The following STX3 variants were observed in gnomAD, a reference collection of about 807,000 sequenced individuals.
STX3 encodes the protein syntaxin 3.
A neutral mutation model predicts 40.2 loss-of-function variants in STX3; 19 were observed. That is an observed-to-expected ratio of 0.47 (90% confidence interval 0.33 to 0.69). The LOEUF (loss-of-function observed/expected upper bound fraction) is 0.69. Among genes scored for constraint, STX3 ranks in the 30% least tolerant of loss-of-function variants. The pLI is 0.02. For missense variants in STX3, 364 were observed against 366.7 expected (o/e 0.99, Z 0.06); for synonymous variants, 122 against 132.2 (o/e 0.92, Z 0.53).
In STX3 at chr11:59,795,436, G is replaced by A. The variant is rs777474139; in HGVS notation, c.740G>A (p.Arg247Gln). 10 of 1,613,456 alleles carry A rather than the reference G, an allele frequency of 6.2e-6. No homozygotes were observed. The highest frequency in any genetic ancestry group is 5.5e-5 in the South Asian group (5 of 90,810). Residue 247 changes from arginine (R) to glutamine (Q), a missense_variant, in exon 9 of 11, where the codon CGA becomes CAA. Physicochemically the swap from Arg to Gln is conservative, Grantham distance 43. Coordinates refer to ENST00000337979, the MANE Select transcript of STX3 (RefSeq NM_004177.5). ...MHTVDHVEKARDETKKAVKYQ... is the reference protein window; with the variant it reads ...MHTVDHVEKAQDETKKAVKYQ... ...ACAGTGGACCACGTGGAGAAGGCACGAGATGAAACGAAAAAAGCTGTGAAA... is the reference window on the plus strand; with the variant it reads ...ACAGTGGACCACGTGGAGAAGGCACAAGATGAAACGAAAAAAGCTGTGAAA...
Position 59,797,334 on chromosome 11 carries a change from T to C in STX3, c.838T>C (p.Leu280=), listed in dbSNP as rs1177827064. The C allele has an allele frequency of 1.2e-6, 2 of 1,614,170 alleles. No homozygotes were observed. Among genetic ancestry groups the C allele is most frequent in the Non-Finnish European group, 8.5e-7 (1 of 1,180,020 alleles). ...AGTTGTGTTGCTGGGCATTTTAGCA[T>C]TGATTATTGGACTTTCCGTTGGGCT... ...LVVVLLGILA[L]IIGLSVGLN is the part of the protein sequence containing the mutation. Residue 280 remains leucine (L), a synonymous_variant, in exon 10 of 11, where the codon TTG becomes CTG. Transcript: ENST00000337979.
chr11:59,758,648 G>T (rs376824315), intron 1 of STX3, among the ~76,000 whole-genome samples: 8 of 152,188 alleles, frequency 5.3e-5, no homozygotes, highest in African/African-American at 1.7e-4. Context: ...TTCCTGGTGG[G>T]CTCCCTCGAC....
chr11:59,758,056 G>A (rs1463252145), intron 1 of STX3, among the ~76,000 whole-genome samples: 3 of 152,206 alleles, frequency 2.0e-5, no homozygotes, highest in African/African-American at 4.8e-5. Flanking sequence ...CTAAATCCTG[G>A]GGAGGGGAGG....
chr11:59,773,695 TG>T (rs1863785782), intron 2 of STX3, among the ~76,000 whole-genome samples: 1 of 152,192 alleles, frequency 6.6e-6, no homozygotes, highest in Non-Finnish European at 1.5e-5. Context: ...TTGAAAATTT[TG>T]GGGCCAGACA....
chr11:59,785,801 A>G (rs887037107), intron 2 of STX3, among the ~76,000 whole-genome samples: 23 of 152,178 alleles, frequency 1.5e-4, no homozygotes, highest in African/African-American at 4.3e-4. Context: ...CTGTTTGTCA[A>G]TTGTTGCAAT....
chr11:59,783,208 G>A (rs772862988), intron 2 of STX3, among the ~76,000 whole-genome samples: 1 of 152,212 alleles, frequency 6.6e-6, no homozygotes, highest in Admixed American at 6.5e-5. Context: ...AAAGGCAACT[G>A]ATCCATTCTC....
At chr11:59,757,180 A>T (rs187417877) in intron 1 of STX3, among the ~76,000 whole-genome samples, 1 of 152,278 alleles carries the variant, frequency 6.6e-6, no homozygotes, top group Non-Finnish European at 1.5e-5. Context: ...GCTCCAGGAC[A>T]CAGAGCCGGC....
chr11:59,786,548 CCTAT>C (rs1182271287), intron 2 of STX3, among the ~76,000 whole-genome samples: 12 of 152,128 alleles, frequency 7.9e-5, no homozygotes, highest in South Asian at 6.2e-4. Context: ...CCGCGCCTGG[CCTAT>C]CTGTTTCTGT....
In STX3 at chr11:59,803,373, G is replaced by A. The variant is rs781041679; in HGVS notation, c.*2549G>A. On this transcript the variant is annotated 3_prime_UTR_variant, in exon 11 of 11. Coordinates refer to ENST00000337979, the MANE Select transcript of STX3 (RefSeq NM_004177.5). Reference sequence around the variant, plus strand: ...CCTTTGTGTCTTGGGGGCACTCTAGGTGCCTTAATCTGGGTGGGATTAGGT... The same window carrying A: ...CCTTTGTGTCTTGGGGGCACTCTAGATGCCTTAATCTGGGTGGGATTAGGT... The A allele has an allele frequency of 4.7e-5, 47 of 995,816 alleles. No individual in the cohort carries two copies. The highest frequency in any genetic ancestry group is 8.5e-5 in the Admixed American group (2 of 23,396). The allele number at this position is 995,816 out of a possible 1,614,324, so 61.7% of individuals were successfully genotyped here. A position where few individuals can be genotyped will look rare whatever the true frequency, so the allele number is the denominator to read the frequency against.
At position 59,805,760 on chromosome 11, in the gene STX3, G is replaced by A. The variant is rs1257625629; in HGVS notation, c.*4936G>A. ...AAAAGGCCACGCAGTTCTAACTTTT[G>A]TCATCGGTTCCTTTTGCTAAAAGGC... On this transcript the variant is annotated 3_prime_UTR_variant, in exon 11 of 11. Transcript: ENST00000337979. 2.0e-5 allele frequency: 3 copies of A among 152,576 alleles called. No homozygotes were observed. Among genetic ancestry groups the A allele is most frequent in the Non-Finnish European group, 4.4e-5 (3 of 68,314 alleles). 9.5% of individuals were successfully genotyped at this position (152,576 alleles called of 1,614,324 possible).
rs571357459 is a variant in STX3 at position 59,777,561 on chromosome 11, A to G, written c.114+4267A>G. On this transcript the variant is annotated intron_variant, in intron 2 of 10. Transcript: ENST00000337979. ...ATCCTGAGCAGCAGTGTAGCCTATC[A>G]TTTAGGGATGCTTTTGACTAACTGT... Among the ~76,000 whole-genome samples the G allele has an allele frequency of 2.6e-5, 4 of 152,332 alleles. No homozygotes were observed. The South Asian group carries it at 8.3e-4, about 32-fold the overall frequency.
At chr11:59,774,559 G>A (rs1261537974) in intron 2 of STX3, among the ~76,000 whole-genome samples, 2 of 152,142 alleles carry the variant, frequency 1.3e-5, no homozygotes, top group Admixed American at 6.5e-5. Context: ...CAGGCCAGGC[G>A]TGGTGGCTCA....
Position 59,780,424 on chromosome 11 carries a change from G to A in STX3, c.115-6613G>A, listed in dbSNP as rs148188276. ...AGTGGACTTCCTAGCCTCCAGTACTGTGAGAAATATATCCTGTGTTTAAGC... is the reference window on the plus strand; with the variant it reads ...AGTGGACTTCCTAGCCTCCAGTACTATGAGAAATATATCCTGTGTTTAAGC... On this transcript the variant is annotated intron_variant, in intron 2 of 10. Coordinates refer to ENST00000337979, the MANE Select transcript of STX3 (RefSeq NM_004177.5). Among the ~76,000 whole-genome samples, 592 of 152,290 alleles carry A rather than the reference G, an allele frequency of 3.9e-3. 2 individuals are homozygous for A. Among genetic ancestry groups the A allele is most frequent in the African/African-American group, 0.013 (551 of 41,550 alleles).
At chr11:59,785,462 C>T (rs1263583179) in intron 2 of STX3, among the ~76,000 whole-genome samples, 2 of 152,094 alleles carry the variant, frequency 1.3e-5, no homozygotes, top group African/African-American at 2.4e-5. Flanking sequence ...CCCTGAGTAG[C>T]TGGGACTACA....
chr11:59,780,219 C>T (rs1864272553), intron 2 of STX3, among the ~76,000 whole-genome samples: 1 of 152,096 alleles, frequency 6.6e-6, no homozygotes, highest in South Asian at 2.1e-4. Flanking sequence ...GTCTAATCGC[C>T]AATGTGATGG....
At chr11:59,771,058 C>G (rs566718424) in intron 1 of STX3, among the ~76,000 whole-genome samples, 2 of 152,222 alleles carry the variant, frequency 1.3e-5, no homozygotes, top group East Asian at 3.9e-4. Context: ...ATCGACTCCC[C>G]CAAATCATGT....
At chr11:59,761,280 A>G (rs1863019784) in intron 1 of STX3, among the ~76,000 whole-genome samples, 1 of 152,190 alleles carries the variant, frequency 6.6e-6, no homozygotes, top group African/African-American at 2.4e-5. Flanking sequence ...GCAAAATCCT[A>G]CATATCTCCA....
At chr11:59,757,960 C>T (rs907362857) in intron 1 of STX3, among the ~76,000 whole-genome samples, 15 of 152,148 alleles carry the variant, frequency 9.9e-5, no homozygotes, top group Non-Finnish European at 1.8e-4. Context: ...CTCTGATTTC[C>T]GTTATCAATT....
rs1308380874 is a variant in STX3 at position 59,792,975 on chromosome 11, T to C, written c.467-124T>C. The C allele has an allele frequency of 7.1e-6, 6 of 844,560 alleles. No homozygotes were observed. The East Asian group carries it at 1.3e-4, about 19-fold the overall frequency. 52.3% of individuals were successfully genotyped at this position (844,560 alleles called of 1,614,324 possible). ...AGAAATAAGATGAGTCAGGAGGCAA[T>C]TGGGGGAGTGTTGTAAAGGCCACGG... On this transcript the variant is annotated intron_variant, in intron 6 of 10. Coordinates refer to ENST00000337979, the MANE Select transcript of STX3 (RefSeq NM_004177.5).
Sources: gnomAD v4.1 joint callset for allele counts (sites outside exome capture counted in the v4.1 genomes callset) on GRCh38, gnomAD v4.1.1 for gene constraint, MANE v1.5 for transcripts, NCBI Gene and HGNC (gene_info 2026-07-23, HGNC 2026-07-21) for gene names.